Variants in NT5DC1 observed in about 807,000 individuals in gnomAD.
NT5DC1 encodes the protein 5'-nucleotidase domain containing 1.
A neutral mutation model predicts 59.4 loss-of-function variants in NT5DC1; 42 were observed. The ratio of observed to expected loss-of-function variants is 0.71; its 90% CI spans 0.55 to 0.92. The LOEUF (loss-of-function observed/expected upper bound fraction) is 0.92. NT5DC1 is among the 40% of genes least tolerant of loss of function. NT5DC1 has a pLI of 0.00. For synonymous variants in NT5DC1, 172 were observed against 188.1 expected, an observed-to-expected ratio of 0.91 and a Z score of 0.70; for missense variants, 501 against 537.1, an observed-to-expected ratio of 0.93 and a Z score of 0.66.
At chr6:116,229,376 C>A (rs899181274) in intron 8 of NT5DC1, among the ~76,000 whole-genome samples, 1 of 152,126 alleles carries the variant, frequency 6.6e-6, no homozygotes, top group Non-Finnish European at 1.5e-5. Context: ...ACTGAGCTGG[C>A]TGGGATGGAA....
rs1582892121 is a variant in NT5DC1 at position 116,249,195 on chromosome 6, C to G, written c.*5171C>G. 1 of 152,182 alleles carries G rather than the reference C, an allele frequency of 6.6e-6. No individual in the cohort carries two copies. The highest frequency in any genetic ancestry group is 1.5e-5 in the Non-Finnish European group (1 of 68,024). 9.4% of individuals were successfully genotyped at this position (152,182 alleles called of 1,614,324 possible). A position where few individuals can be genotyped will look rare whatever the true frequency, so the allele number is the denominator to read the frequency against. On this transcript the variant is annotated 3_prime_UTR_variant, in exon 12 of 12. Coordinates refer to ENST00000319550, the MANE Select transcript of NT5DC1 (RefSeq NM_152729.3). ...CTAGCTCTCTAATACTTAAAGTTCT[C>G]TAGCCCTAGAAAAAAATACCTCAGC...
chr6:116,157,450 T>C (rs991135550), intron 6 of NT5DC1, among the ~76,000 whole-genome samples: 1 of 152,214 alleles, frequency 6.6e-6, no homozygotes, highest in African/African-American at 2.4e-5. Context: ...GTTGAAACTA[T>C]GTTGAAAAAG....
rs771785150 is a variant in NT5DC1, at chr6:116,128,438, TC to T, written c.529+10495del. On this transcript the variant is annotated intron_variant, in intron 6 of 11. Coordinates refer to ENST00000319550, the MANE Select transcript of NT5DC1 (RefSeq NM_152729.3). ...CTGTGGCTTTATGAAGGAAACCCAT[TC>T]CACTCAAAACAGAGAGCCATACTCT... is the stretch of plus-strand genomic sequence containing the variant. Among the ~76,000 whole-genome samples, 1,404 of 152,258 alleles carry T rather than the reference TC, an allele frequency of 9.2e-3. 21 individuals carry two copies. Among genetic ancestry groups the T allele is most frequent in the Non-Finnish European group, 0.013 (879 of 67,998 alleles).
At chr6:116,110,399 C>T (rs1168627191) in intron 3 of NT5DC1, among the ~76,000 whole-genome samples, 1 of 152,166 alleles carries the variant, frequency 6.6e-6, no homozygotes, top group Non-Finnish European at 1.5e-5. Context: ...CACAATGATC[C>T]ACCTGTGGGT....
intron 6 of NT5DC1, among the ~76,000 whole-genome samples, chr6:116,135,044 G>C (rs566830558): frequency 6.6e-6 from 1 of 152,166 alleles, no homozygotes; most frequent in African/African-American, 2.4e-5. Context: ...TTACTCATCT[G>C]TACCCCATTT....
chr6:116,199,015 C>G (rs1329735852), intron 6 of NT5DC1, among the ~76,000 whole-genome samples: 1 of 152,024 alleles, frequency 6.6e-6, no homozygotes, highest in East Asian at 1.9e-4. Flanking sequence ...AGGAGCTGTT[C>G]TGTGCATTAT....
chr6:116,150,334 G>A (rs996288825), intron 6 of NT5DC1, among the ~76,000 whole-genome samples: 1 of 152,160 alleles, frequency 6.6e-6, no homozygotes, highest in Non-Finnish European at 1.5e-5. Flanking sequence ...CACCCAGGAA[G>A]GAATGCAGTG....
chr6:116,135,146 T>C (rs1360265075), intron 6 of NT5DC1, among the ~76,000 whole-genome samples: 2 of 152,220 alleles, frequency 1.3e-5, no homozygotes, highest in African/African-American at 4.8e-5. Flanking sequence ...ACTACTGATA[T>C]CATTTATTAG....
chr6:116,112,371 T>G (rs1778895919), intron 4 of NT5DC1, among the ~76,000 whole-genome samples: 2 of 152,202 alleles, frequency 1.3e-5, no homozygotes, highest in Non-Finnish European at 2.9e-5. Context: ...AAATGGCCTG[T>G]GATACCACAG....
intron 6 of NT5DC1, among the ~76,000 whole-genome samples, chr6:116,156,466 G>T (rs1267755406): frequency 6.6e-6 from 1 of 152,170 alleles, no homozygotes; most frequent in Non-Finnish European, 1.5e-5. Context: ...CCTCATAAGG[G>T]ATTACTATGC....
chr6:116,232,162 T>C (rs1344865823), intron 8 of NT5DC1, among the ~76,000 whole-genome samples: 1 of 152,166 alleles, frequency 6.6e-6, no homozygotes, highest in East Asian at 1.9e-4. Context: ...AAGGAGACTA[T>C]TGGATTAGGT....
chr6:116,145,091 T>C (rs79682156), intron 6 of NT5DC1, among the ~76,000 whole-genome samples: 4,809 of 152,246 alleles, frequency 0.032, 259 homozygotes, highest in African/African-American at 0.11. Context: ...AGCAAAGTTA[T>C]AGGACATAAG....
At chr6:116,147,625 C>G (rs1562138539) in intron 6 of NT5DC1, among the ~76,000 whole-genome samples, 1 of 151,972 alleles carries the variant, frequency 6.6e-6, no homozygotes, top group Non-Finnish European at 1.5e-5. Flanking sequence ...TAAACCTATG[C>G]AAAGATTTAG....
At chr6:116,210,018 G>A (rs975045940) in intron 6 of NT5DC1, among the ~76,000 whole-genome samples, 16 of 152,050 alleles carry the variant, frequency 1.1e-4, no homozygotes, top group South Asian at 6.2e-4. Context: ...GTTACTAACC[G>A]TAATTTTGAG....
At chr6:116,188,164 A>G (rs1024228707) in intron 6 of NT5DC1, among the ~76,000 whole-genome samples, 1 of 152,046 alleles carries the variant, frequency 6.6e-6, no homozygotes, top group Non-Finnish European at 1.5e-5. Context: ...ATCCATCAGA[A>G]TAGTTGGAAT....
chr6:116,130,703 A>G (rs75246210), intron 6 of NT5DC1, among the ~76,000 whole-genome samples: 1,725 of 152,172 alleles, frequency 0.011, 77 homozygotes, highest in Admixed American at 0.085. Flanking sequence ...GATGTAGCCA[A>G]TGCACATTCA....
At chr6:116,114,392 A>C (rs773935253) in intron 4 of NT5DC1, among the ~76,000 whole-genome samples, 1 of 151,958 alleles carries the variant, frequency 6.6e-6, no homozygotes, top group Non-Finnish European at 1.5e-5. Flanking sequence ...AAAGTAATCT[A>C]TTTGCTTATT....
At chr6:116,214,843 C>T (rs1232769383) in intron 6 of NT5DC1, among the ~76,000 whole-genome samples, 1 of 151,818 alleles carries the variant, frequency 6.6e-6, no homozygotes, top group African/African-American at 2.4e-5. Context: ...AGTTATCTGG[C>T]TGGACATCAC....
intron 6 of NT5DC1, among the ~76,000 whole-genome samples, chr6:116,143,274 G>A (rs1348936278): frequency 6.6e-6 from 1 of 151,984 alleles, no homozygotes; most frequent in Non-Finnish European, 1.5e-5. Context: ...GCAGTGGCGC[G>A]ATTTTGGCTC....
Sources: allele counts gnomAD v4.1 joint callset (sites outside exome capture counted in the v4.1 genomes callset), GRCh38; gene constraint gnomAD v4.1.1; transcripts MANE v1.5; gene names NCBI Gene and HGNC (gene_info 2026-07-23, HGNC 2026-07-21).